Variants in FTO observed in about 807,000 individuals in gnomAD.
FTO encodes the protein alpha-ketoglutarate-dependent dioxygenase FTO.
Under a neutral mutation model 63.9 loss-of-function variants are expected in FTO, and 47 were observed. The observed-to-expected ratio is 0.74, with a 90% CI of 0.58 to 0.94. The LOEUF (loss-of-function observed/expected upper bound fraction) is 0.94, where lower values mean the gene tolerates loss of function less well. Among genes scored for constraint, FTO ranks in the 40% least tolerant of loss-of-function variants. The pLI is 0.00. For synonymous variants in FTO, 207 were observed against 224.4 expected (o/e 0.92, Z 0.69); for missense variants, 562 against 618.1 (o/e 0.91, Z 0.96).
intron 7 of FTO, among the ~76,000 whole-genome samples, chr16:53,897,611 A>G (rs1567411881): frequency 6.6e-6 from 1 of 152,228 alleles, no homozygotes; most frequent in Non-Finnish European, 1.5e-5. Flanking sequence ...ACTTGATGAC[A>G]TAAACTTTTC....
intron 1 of FTO, among the ~76,000 whole-genome samples, chr16:53,791,484 GCCTGGT>G (rs1391608573): frequency 6.6e-6 from 1 of 152,146 alleles, no homozygotes; most frequent in African/African-American, 2.4e-5. Context: ...TCAGTGGAGA[GCCTGGT>G]CCTTCGTTAT....
At chr16:53,922,774 G>C (rs992028084) in intron 7 of FTO, among the ~76,000 whole-genome samples, 1 of 152,182 alleles carries the variant, frequency 6.6e-6, no homozygotes, top group African/African-American at 2.4e-5. Flanking sequence ...ACCAACAGTA[G>C]AACAACTGGG....
At chr16:54,078,429 TGC>T (rs1370469321) in intron 8 of FTO, among the ~76,000 whole-genome samples, 1 of 148,298 alleles carries the variant, frequency 6.7e-6, no homozygotes, top group Non-Finnish European at 1.5e-5. Context: ...AATATATATT[TGC>T]ACACACACAC....
chr16:53,905,234 G>T (rs1446040830), intron 7 of FTO, among the ~76,000 whole-genome samples: 3 of 152,114 alleles, frequency 2.0e-5, no homozygotes, highest in African/African-American at 7.2e-5. Context: ...GTCAGGCTTA[G>T]ATATTCTTGG....
chr16:54,113,981 T>G lies in FTO; in HGVS notation c.*2066T>G, dbSNP rs1166863217. The stretch of plus-strand genomic sequence containing the variant: ...TGCCACCACGCCCAGCTAATTTTTG[T>G]ATTTTTAGCAGAGATGGGGTTTCAC... On this transcript the variant is annotated 3_prime_UTR_variant, in exon 9 of 9. Transcript: ENST00000471389. 6.6e-6 allele frequency: 1 copy of G among 152,164 alleles called. No homozygotes were observed. The highest frequency in any genetic ancestry group is 1.5e-5 in the Non-Finnish European group (1 of 68,096). The allele number at this position is 152,164 out of a possible 1,614,324, so 9.4% of individuals were successfully genotyped here.
At chr16:53,976,417 C>G (rs1186698373) in intron 8 of FTO, among the ~76,000 whole-genome samples, 2 of 151,926 alleles carry the variant, frequency 1.3e-5, no homozygotes, top group East Asian at 3.9e-4. Flanking sequence ...TGAAAAGACA[C>G]TTTTATCATA....
chr16:53,799,819 CT>C (rs2078172886), intron 1 of FTO, among the ~76,000 whole-genome samples: 1 of 152,154 alleles, frequency 6.6e-6, no homozygotes, highest in Non-Finnish European at 1.5e-5. Context: ...AGGAATTTGT[CT>C]ATTTTATCTA....
At chr16:54,000,478 C>T (rs1385226984) in intron 8 of FTO, among the ~76,000 whole-genome samples, 1 of 152,140 alleles carries the variant, frequency 6.6e-6, no homozygotes, top group South Asian at 2.1e-4. Context: ...TCTGGTCTAA[C>T]CGAAGTTGCC....
intron 8 of FTO, among the ~76,000 whole-genome samples, chr16:53,957,211 A>G (rs974427098): frequency 1.3e-5 from 2 of 152,180 alleles, no homozygotes; most frequent in Admixed American, 1.3e-4. Flanking sequence ...GTTGCTAATG[A>G]CAGGTGATTA....
intron 1 of FTO, among the ~76,000 whole-genome samples, chr16:53,733,355 TCGCACA>T (rs2076316147): frequency 6.6e-6 from 1 of 151,954 alleles, no homozygotes; most frequent in African/African-American, 2.4e-5. Flanking sequence ...TGAGCCGAGA[TCGCACA>T]ACTGCATTCC....
chr16:53,718,502 T>C (rs941806156), intron 1 of FTO, among the ~76,000 whole-genome samples: 1 of 152,106 alleles, frequency 6.6e-6, no homozygotes, highest in South Asian at 2.1e-4. Flanking sequence ...GTAATTATAC[T>C]CTCCTCTCCT....
At chr16:53,763,787 A>G (rs1425877468) in intron 1 of FTO, among the ~76,000 whole-genome samples, 1 of 152,222 alleles carries the variant, frequency 6.6e-6, no homozygotes. Context: ...AACCCATTGC[A>G]TACAAAGAAA....
chr16:53,920,637 C>T (rs555862938), intron 7 of FTO, among the ~76,000 whole-genome samples: 15 of 152,222 alleles, frequency 9.9e-5, no homozygotes, highest in East Asian at 3.9e-4. Context: ...TAGTATGGAA[C>T]GCGTCCCTTG....
intron 7 of FTO, among the ~76,000 whole-genome samples, chr16:53,914,728 C>A (rs1056236936): frequency 2.0e-5 from 3 of 152,166 alleles, no homozygotes; most frequent in Non-Finnish European, 4.4e-5. Flanking sequence ...AAATTGTCTC[C>A]GTTAAACATG....
chr16:53,867,223 G>T (rs2080343892), intron 4 of FTO, among the ~76,000 whole-genome samples: 1 of 151,720 alleles, frequency 6.6e-6, no homozygotes, highest in African/African-American at 2.4e-5. Flanking sequence ...ATTCCATTCT[G>T]GACTGAGGTC....
intron 8 of FTO, among the ~76,000 whole-genome samples, chr16:53,955,043 C>A (rs6499656): frequency 7.9e-5 from 12 of 152,008 alleles, no homozygotes; most frequent in Admixed American, 2.0e-4. Flanking sequence ...AAAGTTTCTC[C>A]TGTTTCTGTC....
At chr16:53,736,007 C>G (rs8063536) in intron 1 of FTO, among the ~76,000 whole-genome samples, 10,126 of 152,090 alleles carry the variant, frequency 0.067, 1,089 homozygotes, top group African/African-American at 0.23. Flanking sequence ...TGCCATAATA[C>G]AAATAGCAAG....
intron 8 of FTO, among the ~76,000 whole-genome samples, chr16:54,107,980 G>T (rs780500020): frequency 6.6e-6 from 1 of 152,172 alleles, no homozygotes; most frequent in Non-Finnish European, 1.5e-5. Flanking sequence ...CTAGGACAGC[G>T]TGATGTACTG....
At chr16:53,916,432 A>T (rs770150164) in intron 7 of FTO, among the ~76,000 whole-genome samples, 15 of 152,202 alleles carry the variant, frequency 9.9e-5, no homozygotes, top group Non-Finnish European at 1.9e-4. Context: ...AATGAGAATT[A>T]AAAAAATAAA....
Sources: allele counts gnomAD v4.1 joint callset (sites outside exome capture counted in the v4.1 genomes callset), GRCh38; gene constraint gnomAD v4.1.1; transcripts MANE v1.5; gene names NCBI Gene and HGNC (gene_info 2026-07-23, HGNC 2026-07-21).